IPO5: variants seen among roughly 807,000 people sequenced by gnomAD.
IPO5 encodes the protein importin-5.
A neutral mutation model predicts 143.3 loss-of-function variants in IPO5; 18 were observed. The observed-to-expected ratio is 0.13, with a 90% CI of 0.09 to 0.19. The LOEUF (loss-of-function observed/expected upper bound fraction) is 0.19, where lower values mean the gene tolerates loss of function less well. Among genes scored for constraint, IPO5 ranks in the 10% least tolerant of loss-of-function variants. IPO5 has a pLI of 1.00. For synonymous variants in IPO5, 477 were observed against 465.7 expected, an observed-to-expected ratio of 1.02 and a Z score of -0.31; for missense variants, 1,013 against 1,336.9, an observed-to-expected ratio of 0.76 and a Z score of 3.78.
chr13:98,006,263 A>T lies in IPO5; in HGVS notation c.1631A>T (p.Asn544Ile), dbSNP rs1457663224. The T allele has an allele frequency of 6.2e-7, 1 of 1,612,640 alleles. No individual in the cohort carries two copies. ...FMPSLKHIVENAVQKELRLLR... is the reference protein window; with the variant it reads ...FMPSLKHIVEIAVQKELRLLR... ...CCATCACTGAAGCACATCGTTGAGAATGCGGTTCAAAAAGAACTGAGACTT... is the reference window on the plus strand; with the variant it reads ...CCATCACTGAAGCACATCGTTGAGATTGCGGTTCAAAAAGAACTGAGACTT... Residue 544 changes from asparagine to isoleucine, a missense_variant, in exon 17 of 29, where the codon AAT becomes ATT. Coordinates refer to ENST00000651721, the MANE Select transcript of IPO5 (RefSeq NM_002271.6).
Position 97,997,632 on chromosome 13 carries a change from G to A in IPO5, c.1001+14G>A. The A allele has an allele frequency of 6.4e-7, 1 of 1,552,946 alleles. No homozygotes were observed. The highest frequency in any genetic ancestry group is 1.4e-5 in the African/African-American group (1 of 73,838). On this transcript the variant is annotated intron_variant, in intron 12 of 28. Coordinates refer to ENST00000651721, the MANE Select transcript of IPO5 (RefSeq NM_002271.6). ...TGATTTTGACAGGTAATCAAACATT[G>A]TGTCCAGGGTGGCAGTGAAAGCCCT...
At chr13:97,966,790 G>A (rs561044266) in intron 2 of IPO5, among the ~76,000 whole-genome samples, 2 of 152,292 alleles carry the variant, frequency 1.3e-5, no homozygotes, top group South Asian at 4.1e-4. Flanking sequence ...TGTAGTCAAA[G>A]CACTTTGAGA....
rs61750357 is a variant in IPO5 at position 98,015,541 on chromosome 13, A to G, written c.2337A>G (p.Val779=). 4.9e-5 allele frequency: 78 copies of G among 1,599,016 alleles called. 1 individual carries two copies. In the Middle Eastern group the frequency reaches 3.7e-3, roughly 77 times the overall value. The change falls in exon 23 of 29, where the codon GTA becomes GTG. Residue 779 remains valine, a synonymous_variant. Transcript: ENST00000651721. ...IMHSFAKCIE[V]MGDGCLNNEH... ...CTCAACCTCATTAGTGCATTGAAGT[A>G]ATGGGAGATGGATGCCTTAATAATG...
chr13:98,011,859 A>G (rs1379355775), intron 20 of IPO5, among the ~76,000 whole-genome samples: 3 of 152,192 alleles, frequency 2.0e-5, no homozygotes, highest in African/African-American at 7.2e-5. Context: ...TTTACAAAGT[A>G]AATGCTTCAA....
At chr13:97,994,821 G>C (rs978640285) in intron 11 of IPO5, among the ~76,000 whole-genome samples, 3 of 152,112 alleles carry the variant, frequency 2.0e-5, no homozygotes, top group African/African-American at 7.2e-5. Context: ...TTTTTAAAAA[G>C]ATAATTGATC....
chr13:98,003,548 T>C (rs2139778524), intron 16 of IPO5, among the ~76,000 whole-genome samples: 1 of 152,250 alleles, frequency 6.6e-6, no homozygotes, highest in Non-Finnish European at 1.5e-5. Context: ...TCTGGCAGTT[T>C]GAATTTTAAA....
At chr13:98,015,270 G>T (rs1295049217) in intron 22 of IPO5, among the ~76,000 whole-genome samples, 8 of 151,638 alleles carry the variant, frequency 5.3e-5, no homozygotes, top group Non-Finnish European at 8.8e-5. Flanking sequence ...GTGTGTGTGT[G>T]TTTTCCATCT....
intron 13 of IPO5, among the ~76,000 whole-genome samples, chr13:98,001,197 A>G (rs1244711292): frequency 6.6e-6 from 1 of 152,122 alleles, no homozygotes; most frequent in Non-Finnish European, 1.5e-5. Context: ...ATTTCTATGA[A>G]TATTTCAGTT....
chr13:98,001,463 C>T (rs1483576573), intron 13 of IPO5, among the ~76,000 whole-genome samples: 2 of 152,030 alleles, frequency 1.3e-5, no homozygotes, highest in Admixed American at 1.3e-4. Flanking sequence ...GTAGCTGGGA[C>T]TACAGGCACA....
intron 3 of IPO5, 158 bp from the exon 4 acceptor site, chr13:97,976,535 C>G (rs1185330851): frequency 1.2e-5 from 2 of 162,798 alleles, no homozygotes; most frequent in Admixed American, 1.3e-4. Context: ...CCCGTCCTCC[C>G]CTTTCCCCTT....
At chr13:97,982,902 T>G (rs1457754479) in intron 5 of IPO5, among the ~76,000 whole-genome samples, 1 of 152,180 alleles carries the variant, frequency 6.6e-6, no homozygotes, top group Non-Finnish European at 1.5e-5. Context: ...GAGATGGAGT[T>G]TCACTCTGCC....
chr13:98,002,347 A>G (rs1412282991), intron 13 of IPO5, 120 bp from the exon 14 acceptor site: 3 of 872,480 alleles, frequency 3.4e-6, no homozygotes, highest in Non-Finnish European at 5.3e-6. Flanking sequence ...ATATACATAT[A>G]CCCTTTTCAA....
chr13:97,978,028 G>C (rs890113685), intron 4 of IPO5, among the ~76,000 whole-genome samples: 2 of 152,174 alleles, frequency 1.3e-5, no homozygotes, highest in African/African-American at 2.4e-5. Context: ...GTTACACTTA[G>C]GGGTTTTATA....
intron 6 of IPO5, among the ~76,000 whole-genome samples, chr13:97,986,518 G>C (rs1206438406): frequency 6.6e-6 from 1 of 152,034 alleles, no homozygotes; most frequent in African/African-American, 2.4e-5. Flanking sequence ...ACCACACCCA[G>C]CTAATTTTTT....
At chr13:98,007,917 G>A in intron 17 of IPO5, 142 bp from the exon 18 acceptor site, 2 of 588,594 alleles carry the variant, frequency 3.4e-6, no homozygotes, top group Admixed American at 3.1e-5. Context: ...CAATATAGAT[G>A]AGAATTTTTC....
chr13:98,016,686 A>G (rs1890140605), intron 24 of IPO5, 43 bp from the exon 25 acceptor site: 1 of 1,051,392 alleles, frequency 9.5e-7, no homozygotes, highest in Non-Finnish European at 1.3e-6. Context: ...TAGAAAATAT[A>G]CTTTTTAATC....
Position 98,006,112 on chromosome 13 carries a change from T to C in IPO5, c.1498-18T>C. 1 of 1,545,214 alleles carries C rather than the reference T, an allele frequency of 6.5e-7. No individual in the cohort carries two copies. The highest frequency in any genetic ancestry group is 2.2e-5 in the East Asian group (1 of 44,478). ...TTCCAGTTTTCCTTTGAGGTAATAA[T>C]TTGTGTCTTCCTTCTAGCTGATTCA... On this transcript the variant is annotated intron_variant, in intron 16 of 28. Transcript: ENST00000651721.
chr13:97,969,740 T>C lies in IPO5; in HGVS notation c.-95T>C. 1 of 1,555,930 alleles carries C rather than the reference T, an allele frequency of 6.4e-7. No individual in the cohort carries two copies. Among genetic ancestry groups the C allele is most frequent in the Non-Finnish European group, 8.9e-7 (1 of 1,127,774 alleles). On this transcript the variant is annotated 5_prime_UTR_variant, in exon 3 of 29. Coordinates refer to ENST00000651721, the MANE Select transcript of IPO5 (RefSeq NM_002271.6). ...CAAATCAGCAGAGGAAAGAAATTCC[T>C]AAGGGAACACTGCTCAGAAAGTACT... is the stretch of plus-strand genomic sequence containing the variant.
chr13:98,016,009 C>T (rs1167719062), intron 24 of IPO5, among the ~76,000 whole-genome samples: 1 of 152,204 alleles, frequency 6.6e-6, no homozygotes, highest in Non-Finnish European at 1.5e-5. Context: ...CTCAACAAAA[C>T]ACCTTGAGGT....
Sources: allele counts gnomAD v4.1 joint callset (sites outside exome capture counted in the v4.1 genomes callset), GRCh38; gene constraint gnomAD v4.1.1; transcripts MANE v1.5; gene names NCBI Gene and HGNC (gene_info 2026-07-23, HGNC 2026-07-21).